The following ST7 variants were observed in gnomAD, a reference collection of about 807,000 sequenced individuals.
ST7 encodes suppression of tumorigenicity 7.
ST7 carries 28 observed loss-of-function variants against 78.7 expected under a neutral mutation model. The ratio of observed to expected loss-of-function variants is 0.36; its 90% CI spans 0.26 to 0.49. The LOEUF (loss-of-function observed/expected upper bound fraction) is 0.49. Ranked by LOEUF, ST7 falls within the 20% of genes least tolerant of loss-of-function variation. The probability of loss-of-function intolerance (pLI) is 0.99; values close to 1 mark genes in which losing one functional copy is unlikely to be tolerated. For synonymous variants in ST7, 247 were observed against 249.6 expected (o/e 0.99, Z 0.10); for missense variants, 418 against 696.0 (o/e 0.60, Z 4.49).
At chr7:117,082,806 T>C (rs1468469076) in intron 1 of ST7, among the ~76,000 whole-genome samples, 1 of 152,230 alleles carries the variant, frequency 6.6e-6, no homozygotes, top group Non-Finnish European at 1.5e-5. Context: ...AAAGCAGTCA[T>C]AGACATTACA....
At chr7:117,015,046 T>G (rs1795543462) in intron 1 of ST7, 2 of 1,080,564 alleles carry the variant, frequency 1.9e-6, no homozygotes, top group Admixed American at 7.0e-5. Flanking sequence ...TTTCCAGTTA[T>G]GTAGAATTAC....
Position 117,045,365 on chromosome 7 carries a change from G to A in ST7, c.152-54397G>A, listed in dbSNP as rs569325314. The stretch of plus-strand genomic sequence containing the variant: ...TATTCCCTCTTCTTAATCAGCTCTA[G>A]TCACATAGGCCTGCCTGCTCTCCTT... On this transcript the variant is annotated intron_variant, in intron 1 of 15. Coordinates refer to ENST00000323984, the MANE Select transcript of ST7 (RefSeq NM_001369598.1). Among the ~76,000 whole-genome samples the A allele has an allele frequency of 3.3e-5, 5 of 152,020 alleles. No individual in the cohort carries two copies. The South Asian group carries it at 1.0e-3, about 32-fold the overall frequency.
intron 2 of ST7, among the ~76,000 whole-genome samples, chr7:117,113,991 G>T (rs533645606): frequency 4.6e-5 from 7 of 152,284 alleles, no homozygotes; most frequent in African/African-American, 1.7e-4. Context: ...AGGTGGGGAT[G>T]GACCATTGGC....
chr7:117,203,649 T>G (rs981532237), intron 12 of ST7, among the ~76,000 whole-genome samples: 1 of 152,232 alleles, frequency 6.6e-6, no homozygotes, highest in Non-Finnish European at 1.5e-5. Context: ...TTTGCTTCCT[T>G]AGTGCTAAGT....
intron 1 of ST7, among the ~76,000 whole-genome samples, chr7:117,005,049 C>A (rs916097768): frequency 2.6e-5 from 4 of 152,040 alleles, no homozygotes; most frequent in Non-Finnish European, 5.9e-5. Flanking sequence ...AGTCCACAGG[C>A]CTCTGTATTT....
chr7:117,098,835 G>A (rs1351907171), intron 1 of ST7: 1 of 1,301,242 alleles, frequency 7.7e-7, no homozygotes, highest in Non-Finnish European at 1.0e-6. Context: ...TGGTGGTTTT[G>A]ATAATAATAA....
In ST7 at chr7:116,975,344, A is replaced by C. The variant is rs1034264580; in HGVS notation, c.151+21653A>C. ...GACACATGAGGATTATGGGAGCTAC[A>C]ATTAAAGATGAGATTTGGATGGGGA... On this transcript the variant is annotated intron_variant, in intron 1 of 15. Transcript: ENST00000323984. Among the ~76,000 whole-genome samples the C allele has an allele frequency of 2.6e-5, 4 of 152,210 alleles. No individual in the cohort carries two copies. In the South Asian group the frequency reaches 8.3e-4, roughly 32 times the overall value.
chr7:117,005,509 G>C (rs1795120492), intron 1 of ST7, among the ~76,000 whole-genome samples: 1 of 152,112 alleles, frequency 6.6e-6, no homozygotes, highest in East Asian at 1.9e-4. Flanking sequence ...TTTACAAATA[G>C]TTATGTGTGT....
In ST7 at chr7:117,200,270, C is replaced by T. The variant is rs552831255; in HGVS notation, c.1254+9334C>T. Among the ~76,000 whole-genome samples the T allele has an allele frequency of 2.6e-4, 40 of 152,264 alleles. No homozygotes were observed. The South Asian group carries it at 8.1e-3, about 31-fold the overall frequency. On this transcript the variant is annotated intron_variant, in intron 12 of 15. Coordinates refer to ENST00000323984, the MANE Select transcript of ST7 (RefSeq NM_001369598.1). ...TGAGAAGTCTGGTAGCCCAGCAACC[C>T]CAAGGCCCCCTCTGCATACAGTTCA...
intron 1 of ST7, among the ~76,000 whole-genome samples, chr7:117,032,621 G>A (rs1282372987): frequency 6.6e-6 from 1 of 151,880 alleles, no homozygotes; most frequent in Non-Finnish European, 1.5e-5. Context: ...TAATTATTTG[G>A]CATTACTTGC....
At chr7:117,203,008 G>A (rs1489239858) in intron 12 of ST7, among the ~76,000 whole-genome samples, 1 of 152,148 alleles carries the variant, frequency 6.6e-6, no homozygotes, top group Non-Finnish European at 1.5e-5. Flanking sequence ...CTCTGTATAT[G>A]CAGGTTTCCC....
intron 2 of ST7, among the ~76,000 whole-genome samples, chr7:117,114,340 G>C (rs59797491): frequency 6.6e-6 from 1 of 151,672 alleles, no homozygotes; most frequent in Middle Eastern, 3.2e-3. Flanking sequence ...AATGTTACAG[G>C]TATTACTGTA....
At chr7:117,152,162 TTATATATATAAAAACTATA>T (rs1351173278) in intron 9 of ST7, among the ~76,000 whole-genome samples, 32 of 118,262 alleles carry the variant, frequency 2.7e-4, no homozygotes, top group African/African-American at 9.9e-4. Context: ...AATATATGTA[TTATATATATAAAAACTATA>T]TATATATATA....
intron 12 of ST7, among the ~76,000 whole-genome samples, chr7:117,194,528 T>C (rs1394856429): frequency 2.0e-5 from 3 of 152,204 alleles, no homozygotes; most frequent in East Asian, 3.9e-4. Context: ...TTGAGGAAAA[T>C]TGGGGATGTT....
chr7:117,093,610 G>T (rs954745485), intron 1 of ST7, among the ~76,000 whole-genome samples: 1 of 152,004 alleles, frequency 6.6e-6, no homozygotes, highest in African/African-American at 2.4e-5. Context: ...CTGAAGCAGG[G>T]GAATCACTTG....
At chr7:117,006,283 C>G (rs1795154850) in intron 1 of ST7, among the ~76,000 whole-genome samples, 1 of 152,236 alleles carries the variant, frequency 6.6e-6, no homozygotes, top group African/African-American at 2.4e-5. Flanking sequence ...CAACAGTTCA[C>G]TCTTTCCTTC....
At chr7:117,099,900 A>C (rs1801436960) in intron 2 of ST7, 56 bp downstream of exon 2, 5 of 1,403,514 alleles carry the variant, frequency 3.6e-6, no homozygotes, top group Non-Finnish European at 3.0e-6. Context: ...TATGTGTATT[A>C]GTGTATGTAC....
At chr7:117,089,994 G>A (rs1800476692) in intron 1 of ST7, among the ~76,000 whole-genome samples, 1 of 152,196 alleles carries the variant, frequency 6.6e-6, no homozygotes, top group Non-Finnish European at 1.5e-5. Context: ...TAAGGGTGAA[G>A]TCAAGTATGT....
chr7:117,226,782 A>G (rs151080944), intron 15 of ST7, among the ~76,000 whole-genome samples: 313 of 152,118 alleles, frequency 2.1e-3, no homozygotes, highest in Non-Finnish European at 3.7e-3. Context: ...CTCGTGGGAG[A>G]GTAAATTAGG....
Sources: allele counts gnomAD v4.1 joint callset (sites outside exome capture counted in the v4.1 genomes callset), GRCh38; gene constraint gnomAD v4.1.1; transcripts MANE v1.5; gene names NCBI Gene and HGNC (gene_info 2026-07-23, HGNC 2026-07-21).